The following RBMS1 variants were observed in gnomAD, a reference collection of about 807,000 sequenced individuals.
RBMS1 encodes the protein RNA-binding motif, single-stranded-interacting protein 1.
Under a neutral mutation model 62.3 loss-of-function variants are expected in RBMS1, and 17 were observed. The ratio of observed to expected loss-of-function variants is 0.27; its 90% CI spans 0.19 to 0.41. The LOEUF is 0.41. Among genes scored for constraint, RBMS1 ranks in the 10% least tolerant of loss-of-function variants. The pLI is 1.00. For synonymous variants in RBMS1, 172 were observed against 170.0 expected, an observed-to-expected ratio of 1.01 and a Z score of -0.09; for missense variants, 334 against 504.5, an observed-to-expected ratio of 0.66 and a Z score of 3.24.
In RBMS1 at chr2:160,275,630, C is replaced by T. The variant is rs764295803; in HGVS notation, c.*7G>A. 1.2e-6 allele frequency: 2 copies of T among 1,612,914 alleles called. No individual in the cohort carries two copies. Among genetic ancestry groups the T allele is most frequent in the East Asian group, 2.2e-5 (1 of 44,854 alleles). On this transcript the variant is annotated splice_region_variant and 3_prime_UTR_variant, in exon 13 of 14. Transcript: ENST00000348849. Reference sequence around the variant, plus strand: ...AGTTATGAAGACCTTTCCCTCATACCTCACAGTTACTTATTAGGTTGAAAG... The same window carrying T: ...AGTTATGAAGACCTTTCCCTCATACTTCACAGTTACTTATTAGGTTGAAAG...
At chr2:160,282,205 AAC>A in intron 9 of RBMS1, 1 of 1,348,408 alleles carries the variant, frequency 7.4e-7, no homozygotes, top group South Asian at 1.1e-5. Flanking sequence ...TCAGAGGTTC[AAC>A]AGAGAGGATA....
At chr2:160,384,351 T>G (rs552757243) in intron 1 of RBMS1, among the ~76,000 whole-genome samples, 11 of 152,344 alleles carry the variant, frequency 7.2e-5, no homozygotes, top group Non-Finnish European at 1.6e-4. Flanking sequence ...AAACAGCAGA[T>G]GTCCCAATTT....
chr2:160,303,819 C>T (rs765862570), intron 4 of RBMS1, among the ~76,000 whole-genome samples: 3 of 152,094 alleles, frequency 2.0e-5, no homozygotes, highest in Non-Finnish European at 4.4e-5. Flanking sequence ...TTTTAGGAGT[C>T]CATTTCAGGC....
chr2:160,466,386 T>C (rs1684691567), intron 1 of RBMS1, among the ~76,000 whole-genome samples: 1 of 152,088 alleles, frequency 6.6e-6, no homozygotes, highest in South Asian at 2.1e-4. Flanking sequence ...TTTGCCAAAC[T>C]CTAGTTAAAG....
At chr2:160,411,218 A>G (rs529252632) in intron 1 of RBMS1, among the ~76,000 whole-genome samples, 2 of 152,182 alleles carry the variant, frequency 1.3e-5, no homozygotes, top group Non-Finnish European at 2.9e-5. Flanking sequence ...GACCAATCCA[A>G]TTCTCACCCT....
At chr2:160,460,022 C>T (rs1574086902) in intron 1 of RBMS1, among the ~76,000 whole-genome samples, 1 of 152,308 alleles carries the variant, frequency 6.6e-6, no homozygotes, top group South Asian at 2.1e-4. Flanking sequence ...ACAATTCAAT[C>T]CATTAACCTT....
intron 2 of RBMS1, among the ~76,000 whole-genome samples, chr2:160,349,142 G>A (rs1422746605): frequency 6.6e-6 from 1 of 152,096 alleles, no homozygotes; most frequent in Non-Finnish European, 1.5e-5. Flanking sequence ...CCGAGGCTCA[G>A]CCAGGCACAG....
At chr2:160,392,661 G>C (rs1694928538) in intron 1 of RBMS1, among the ~76,000 whole-genome samples, 1 of 152,130 alleles carries the variant, frequency 6.6e-6, no homozygotes, top group South Asian at 2.1e-4. Flanking sequence ...AAGTCAAGGT[G>C]GGAGAACTGC....
At chr2:160,437,499 T>C (rs757757853) in intron 1 of RBMS1, among the ~76,000 whole-genome samples, 21 of 152,242 alleles carry the variant, frequency 1.4e-4, no homozygotes, top group Non-Finnish European at 2.1e-4. Flanking sequence ...ACACAGAATC[T>C]TCATCTTTCC....
intron 1 of RBMS1, among the ~76,000 whole-genome samples, chr2:160,369,274 C>T (rs149796469): frequency 1.9e-4 from 29 of 152,314 alleles, no homozygotes; most frequent in Non-Finnish European, 2.8e-4. Context: ...TCTCTAGGGG[C>T]TAACTACTTA....
intron 2 of RBMS1, among the ~76,000 whole-genome samples, chr2:160,320,141 T>G (rs1022430077): frequency 6.6e-6 from 1 of 152,232 alleles, no homozygotes; most frequent in African/African-American, 2.4e-5. Context: ...CTCCTATCGT[T>G]TGAATATTTC....
chr2:160,408,927 A>G (rs1350432861), intron 1 of RBMS1, among the ~76,000 whole-genome samples: 1 of 152,208 alleles, frequency 6.6e-6, no homozygotes, highest in African/African-American at 2.4e-5. Flanking sequence ...AGTAAATACT[A>G]CAGAGTTCTT....
At chr2:160,477,358 C>A (rs904074424) in intron 1 of RBMS1, among the ~76,000 whole-genome samples, 98 of 151,606 alleles carry the variant, frequency 6.5e-4, no homozygotes, top group East Asian at 1.7e-3. Flanking sequence ...ACAACAACAA[C>A]AAAAAAAAAT....
chr2:160,413,137 A>AT (rs1024070652), intron 1 of RBMS1, among the ~76,000 whole-genome samples: 1 of 152,236 alleles, frequency 6.6e-6, no homozygotes, highest in Non-Finnish European at 1.5e-5. Flanking sequence ...TCAGGCACCC[A>AT]TTTTTATTTG....
chr2:160,492,302 T>C (rs1306465282), intron 1 of RBMS1, among the ~76,000 whole-genome samples: 1 of 152,092 alleles, frequency 6.6e-6, no homozygotes, highest in Non-Finnish European at 1.5e-5. Flanking sequence ...ATTTCCAGTC[T>C]TCATGGCCCA....
At chr2:160,294,347 C>A (rs528763657) in intron 6 of RBMS1, among the ~76,000 whole-genome samples, 1 of 152,280 alleles carries the variant, frequency 6.6e-6, no homozygotes, top group East Asian at 1.9e-4. Flanking sequence ...TGATGTGGTA[C>A]ATTAGATTTT....
intron 1 of RBMS1, among the ~76,000 whole-genome samples, chr2:160,404,257 C>G (rs1695580248): frequency 6.6e-6 from 1 of 152,086 alleles, no homozygotes; most frequent in Non-Finnish European, 1.5e-5. Context: ...GCCTGTGAGG[C>G]AGGAAAATCC....
At position 160,439,404 on chromosome 2, in the gene RBMS1, C is replaced by G. The variant is rs530165246; in HGVS notation, c.75+53885G>C. Among the ~76,000 whole-genome samples the G allele has an allele frequency of 7.2e-5, 11 of 151,916 alleles. No homozygotes were observed. The East Asian group carries it at 1.8e-3, about 24-fold the overall frequency. On this transcript the variant is annotated intron_variant, in intron 1 of 13. Transcript: ENST00000348849. ...GGGGCGGCCGGGCAGAGACGCCCCTCACATCCCGGACGGGGCGGCAGGGCA... is the reference window on the plus strand; with the variant it reads ...GGGGCGGCCGGGCAGAGACGCCCCTGACATCCCGGACGGGGCGGCAGGGCA...
At chr2:160,296,931 A>T (rs1688965950) in intron 6 of RBMS1, among the ~76,000 whole-genome samples, 1 of 152,170 alleles carries the variant, frequency 6.6e-6, no homozygotes, top group South Asian at 2.1e-4. Flanking sequence ...TATTTGGGAT[A>T]AATCTTCTTG....
Sources: gnomAD v4.1 joint callset for allele counts (sites outside exome capture counted in the v4.1 genomes callset) on GRCh38, gnomAD v4.1.1 for gene constraint, MANE v1.5 for transcripts, NCBI Gene and HGNC (gene_info 2026-07-23, HGNC 2026-07-21) for gene names.